Variants in GPC1 observed in about 807,000 individuals in gnomAD.
GPC1 encodes glypican 1, also known as glypican-1.
GPC1 carries 26 observed loss-of-function variants against 51.5 expected under a neutral mutation model. The observed-to-expected ratio is 0.50, with a 90% CI of 0.37 to 0.70. GPC1 has a LOEUF of 0.70. Among genes scored for constraint, GPC1 ranks in the 30% least tolerant of loss-of-function variants. The pLI is 0.00. For synonymous variants in GPC1, 380 were observed against 348.3 expected (o/e 1.09, Z -1.01); for missense variants, 775 against 800.5 (o/e 0.97, Z 0.38).
intron 1 of GPC1, chr2:240,451,499 G>A: frequency 5.9e-6 from 2 of 336,888 alleles, no homozygotes; most frequent in South Asian, 4.4e-5. Context: ...TGCTGGCAGG[G>A]TTGGGCATAG....
intron 2 of GPC1, among the ~76,000 whole-genome samples, chr2:240,460,852 C>T (rs2074209397): frequency 1.3e-5 from 2 of 152,184 alleles, no homozygotes; most frequent in African/African-American, 4.8e-5. Flanking sequence ...GCTGCTGTCC[C>T]CTCCCAGCCT....
At chr2:240,442,301 G>A (rs1172224984) in intron 1 of GPC1, 1 of 152,288 alleles carries the variant, frequency 6.6e-6, no homozygotes, top group Non-Finnish European at 1.5e-5. Flanking sequence ...GTACCGGGTG[G>A]GGCTGGGTGC....
rs2074251999 is a variant in GPC1 at position 240,465,385 on chromosome 2, C to G, written c.1269-88C>G. On this transcript the variant is annotated intron_variant, in intron 7 of 8. Coordinates refer to ENST00000264039, the MANE Select transcript of GPC1 (RefSeq NM_002081.3). ...CCTGGAAGCTGCTGGGCATCTCAGG[C>G]TCAGAGCGTGGGAGAGTGTCCTGCT... 7.1e-6 allele frequency: 10 copies of G among 1,409,050 alleles called. No homozygotes were observed. In the East Asian group the frequency reaches 2.3e-4, roughly 33 times the overall value. The allele number at this position is 1,409,050 out of a possible 1,614,324, so 87.3% of individuals were successfully genotyped here.
chr2:240,464,350 C>T (rs150999082), intron 4 of GPC1: 54 of 482,744 alleles, frequency 1.1e-4, no homozygotes, highest in Middle Eastern at 5.8e-4. Flanking sequence ...CACGGCAGGC[C>T]AGCAAGCATG....
chr2:240,452,962 G>A (rs571731969), intron 1 of GPC1: 173 of 332,540 alleles, frequency 5.2e-4, no homozygotes, highest in African/African-American at 3.6e-3. Flanking sequence ...TCCCCGGCCC[G>A]AGCACCTGCA....
At chr2:240,450,787 A>AGTACCAGG (rs772498152) in intron 1 of GPC1, 1 of 470,184 alleles carries the variant, frequency 2.1e-6, no homozygotes, top group South Asian at 1.6e-5. Context: ...GCCTTTATTC[A>AGTACCAGG]GTACCAGGGT....
Position 240,464,888 on chromosome 2 carries a change from C to A in GPC1, c.1047C>A (p.Asn349Lys). Residue 349 changes from asparagine (N) to lysine (K), a missense_variant, in exon 6 of 9, where the codon AAC becomes AAA. Coordinates refer to ENST00000264039, the MANE Select transcript of GPC1 (RefSeq NM_002081.3). Reference sequence around the variant, plus strand: ...AGGGCTGCGGGAACCCCAAGGTCAACCCCCAGGGCCCCGGGCCTGAGGAGA... The same window carrying A: ...AGGGCTGCGGGAACCCCAAGGTCAAACCCCAGGGCCCCGGGCCTGAGGAGA... Reference protein sequence around the residue: ...VIQGCGNPKVNPQGPGPEEKR... With the variant: ...VIQGCGNPKVKPQGPGPEEKR... The A allele has an allele frequency of 6.4e-7, 1 of 1,552,236 alleles. No individual in the cohort carries two copies. The highest frequency in any genetic ancestry group is 1.2e-5 in the South Asian group (1 of 84,182).
Position 240,463,724 on chromosome 2 carries a change from CA to C in GPC1, c.883+213del, listed in dbSNP as rs2074236624. On this transcript the variant is annotated intron_variant, in intron 4 of 8. Coordinates refer to ENST00000264039, the MANE Select transcript of GPC1 (RefSeq NM_002081.3). ...GTGATGTGTGACTTGGGGCAGCTGC[CA>C]GGGAGGGAGCCCTGTGGGGTCATAG... 23 of 574,938 alleles carry C rather than the reference CA, an allele frequency of 4.0e-5. No individual in the cohort carries two copies. The South Asian group carries it at 5.0e-4, about 13-fold the overall frequency. The allele number at this position is 574,938 out of a possible 1,614,324, so 35.6% of individuals were successfully genotyped here.
At chr2:240,457,825 C>G (rs971178150) in intron 1 of GPC1, 4 of 330,988 alleles carry the variant, frequency 1.2e-5, no homozygotes, top group African/African-American at 2.2e-5. Flanking sequence ...TTCCAGCCAC[C>G]CTGGCCCAGG....
rs1188380874 is a variant in GPC1, at chr2:240,457,404, A to AGT, written c.167-1619_167-1618dup. On this transcript the variant is annotated intron_variant, in intron 1 of 8. Transcript: ENST00000264039. ...TTCTCTTGTCTCGGGCTCCTCCCTG[A>AGT]GTGTGTGTACTTAGAGGGTGCGGAA... 6.4e-6 allele frequency: 3 copies of AGT among 467,974 alleles called. No homozygotes were observed. In the Admixed American group the frequency reaches 7.1e-5, roughly 11 times the overall value. 29.0% of individuals were successfully genotyped at this position (467,974 alleles called of 1,614,324 possible). A position where few individuals can be genotyped will look rare whatever the true frequency, so the allele number is the denominator to read the frequency against.
chr2:240,456,138 AG>A, intron 1 of GPC1: 1 of 264,664 alleles, frequency 3.8e-6, no homozygotes. Context: ...GGCGGGGCTG[AG>A]GGGTCGGCGG....
At chr2:240,449,887 C>A in intron 1 of GPC1, 1 of 470,816 alleles carries the variant, frequency 2.1e-6, no homozygotes. Flanking sequence ...GAATTTCTTC[C>A]TTTTCACGGA....
chr2:240,464,640 A>G lies in GPC1; in HGVS notation c.908A>G (p.Lys303Arg), dbSNP rs775242484. The G allele has an allele frequency of 6.2e-7, 1 of 1,607,978 alleles. No homozygotes were observed. The highest frequency in any genetic ancestry group is 8.5e-7 in the Non-Finnish European group (1 of 1,177,600). Residue 303 changes from lysine to arginine, a missense_variant, in exon 5 of 9, where the codon AAG (lysine) becomes AGG (arginine). Transcript: ENST00000264039. ...LLDSMVLITD[K>R]FWGTSGVESV... ...GACTCCATGGTGCTCATCACCGACA[A>G]GTTCTGGGGTACATCGGGTGTGGAG... is the stretch of plus-strand genomic sequence containing the variant.
intron 1 of GPC1, chr2:240,450,614 G>GAGGTCACCCA: frequency 2.1e-6 from 1 of 470,888 alleles, no homozygotes; most frequent in Non-Finnish European, 4.4e-6. Context: ...CCCTCACCAT[G>GAGGTCACCCA]TGTGACCTCC....
intron 1 of GPC1, chr2:240,458,059 C>CT: frequency 2.1e-6 from 1 of 470,972 alleles, no homozygotes; most frequent in Non-Finnish European, 4.4e-6. Context: ...GAGTCCTGAG[C>CT]TTAGGCAGCC....
rs1015825765 is a variant in GPC1, at chr2:240,467,933, G to C, written c.*1643G>C. ...AGACCCCACCCTACGCTCATCTCTGGAAGGGGCAGCCCTGAGTGGTCACTG... is the reference window on the plus strand; with the variant it reads ...AGACCCCACCCTACGCTCATCTCTGCAAGGGGCAGCCCTGAGTGGTCACTG... On this transcript the variant is annotated 3_prime_UTR_variant, in exon 9 of 9. Transcript: ENST00000264039. 6.6e-6 allele frequency: 1 copy of C among 152,306 alleles called. No individual in the cohort carries two copies. The highest frequency in any genetic ancestry group is 1.5e-5 in the Non-Finnish European group (1 of 68,112). The allele number at this position is 152,306 out of a possible 1,614,324, so 9.4% of individuals were successfully genotyped here.
chr2:240,451,574 GCA>G, intron 1 of GPC1: 1 of 273,028 alleles, frequency 3.7e-6, no homozygotes. Flanking sequence ...AGGCCTGGGG[GCA>G]CGGCCTCTGG....
chr2:240,457,386 G>C (rs1288873217), intron 1 of GPC1: 1 of 462,864 alleles, frequency 2.2e-6, no homozygotes, highest in Non-Finnish European at 4.5e-6. Context: ...CCCTTCTCTT[G>C]TCTCGGGCTC....
intron 1 of GPC1, chr2:240,451,525 C>A: frequency 3.3e-6 from 1 of 299,628 alleles, no homozygotes; most frequent in South Asian, 2.7e-5. Context: ...TGAGTGCCCT[C>A]TTCAGCTCCA....
Sources: gnomAD v4.1 joint callset for allele counts (sites outside exome capture counted in the v4.1 genomes callset) on GRCh38, gnomAD v4.1.1 for gene constraint, MANE v1.5 for transcripts, NCBI Gene and HGNC (gene_info 2026-07-23, HGNC 2026-07-21) for gene names.